The following KCNN2 variants were observed in gnomAD, a reference collection of about 807,000 sequenced individuals.
KCNN2 encodes the protein potassium calcium-activated channel subfamily N member 2, also known as small conductance calcium-activated potassium channel protein 2.
KCNN2 carries 24 observed loss-of-function variants against 55.5 expected under a neutral mutation model. The ratio of observed to expected loss-of-function variants is 0.43; its 90% CI spans 0.31 to 0.61. The LOEUF (loss-of-function observed/expected upper bound fraction) is 0.61, where lower values mean the gene tolerates loss of function less well. Ranked by LOEUF, KCNN2 falls within the 20% of genes least tolerant of loss-of-function variation. The pLI is 0.08. For missense variants in KCNN2, 754 were observed against 853.6 expected, an observed-to-expected ratio of 0.88 and a Z score of 1.45; for synonymous variants, 431 against 336.1, an observed-to-expected ratio of 1.28 and a Z score of -3.09.
chr5:114,096,515 A>C (rs1016200976), intron 1 of KCNN2, among the ~76,000 whole-genome samples: 1 of 151,996 alleles, frequency 6.6e-6, no homozygotes, highest in Non-Finnish European at 1.5e-5. Context: ...GAGTCATTCC[A>C]TGTGGTATCA....
intron 4 of KCNN2, among the ~76,000 whole-genome samples, chr5:114,463,798 G>A (rs574757149): frequency 3.3e-4 from 50 of 152,272 alleles, no homozygotes; most frequent in Non-Finnish European, 6.2e-4. Context: ...TTGGGCCTGG[G>A]GGAGAGGGAT....
At chr5:114,330,793 CTCA>C (rs1756804837) in intron 2 of KCNN2, among the ~76,000 whole-genome samples, 1 of 152,210 alleles carries the variant, frequency 6.6e-6, no homozygotes, top group African/African-American at 2.4e-5. Flanking sequence ...GGACTTGCTA[CTCA>C]TGTGGTAATT....
At chr5:114,455,351 A>G (rs966719167) in intron 3 of KCNN2, among the ~76,000 whole-genome samples, 12 of 152,178 alleles carry the variant, frequency 7.9e-5, no homozygotes, top group African/African-American at 2.9e-4. Flanking sequence ...CTTTGATATT[A>G]CAATTCTATT....
chr5:114,461,485 T>G (rs1761191511), intron 3 of KCNN2, among the ~76,000 whole-genome samples: 1 of 152,156 alleles, frequency 6.6e-6, no homozygotes, highest in Admixed American at 6.5e-5. Context: ...GCCCTTTCTC[T>G]GGGGTTCCAC....
intron 1 of KCNN2, among the ~76,000 whole-genome samples, chr5:114,097,305 C>G (rs1211081102): frequency 6.6e-6 from 1 of 152,144 alleles, no homozygotes; most frequent in East Asian, 1.9e-4. Context: ...GTTCGGATTA[C>G]AAACCCTCTG....
chr5:114,452,645 A>G (rs1760744803), intron 3 of KCNN2, among the ~76,000 whole-genome samples: 2 of 152,304 alleles, frequency 1.3e-5, no homozygotes, highest in Admixed American at 1.3e-4. Flanking sequence ...TCCCTGTGCC[A>G]TGGCTTCACC....
chr5:114,349,335 T>G (rs750377710), intron 2 of KCNN2, among the ~76,000 whole-genome samples: 1 of 151,998 alleles, frequency 6.6e-6, no homozygotes, highest in Non-Finnish European at 1.5e-5. Context: ...GTTTGAAAAT[T>G]TTTGAGCACC....
intron 2 of KCNN2, among the ~76,000 whole-genome samples, chr5:114,245,487 C>T (rs1489120900): frequency 6.6e-6 from 1 of 152,148 alleles, no homozygotes; most frequent in Non-Finnish European, 1.5e-5. Context: ...AAGTGAATTG[C>T]CCAAATTCAC....
intron 1 of KCNN2, among the ~76,000 whole-genome samples, chr5:114,164,756 A>G (rs1752873057): frequency 6.6e-6 from 1 of 152,182 alleles, no homozygotes; most frequent in Non-Finnish European, 1.5e-5. Flanking sequence ...TTGTAGAACA[A>G]CTTAGCTCCC....
At chr5:114,436,628 T>G (rs1256970075) in intron 3 of KCNN2, among the ~76,000 whole-genome samples, 1 of 152,222 alleles carries the variant, frequency 6.6e-6, no homozygotes, top group Non-Finnish European at 1.5e-5. Context: ...TCTTCATCTT[T>G]TGGACTATGT....
intron 1 of KCNN2, among the ~76,000 whole-genome samples, chr5:114,203,815 C>A (rs1316251840): frequency 6.6e-6 from 1 of 152,154 alleles, no homozygotes; most frequent in Non-Finnish European, 1.5e-5. Context: ...CCTCACCACA[C>A]CCTAGTTACA....
rs1298576176 is a variant in KCNN2, at chr5:114,396,414, TA to T, written c.1219-8021del. 2.0e-4 allele frequency among the ~76,000 whole-genome samples: 31 copies of T among 152,284 alleles called. 1 individual carries two copies. The East Asian group carries it at 2.7e-3, about 13-fold the overall frequency. On this transcript the variant is annotated intron_variant, in intron 2 of 7. Coordinates refer to ENST00000673685, the MANE Select transcript of KCNN2 (RefSeq NM_021614.4). Reference sequence around the variant, plus strand: ...TTGAAAACTTTATGTGTGCCTCTATTAAATGGATATTTTTAAACTTTTATTT... The same window carrying T: ...TTGAAAACTTTATGTGTGCCTCTATTAATGGATATTTTTAAACTTTTATTT...
At chr5:114,423,870 C>T (rs558966736) in intron 3 of KCNN2, among the ~76,000 whole-genome samples, 2 of 152,230 alleles carry the variant, frequency 1.3e-5, no homozygotes, top group South Asian at 4.1e-4. Context: ...AAAAGTGAGG[C>T]AGGATATCCC....
intron 3 of KCNN2, among the ~76,000 whole-genome samples, chr5:114,433,291 C>T (rs1759867730): frequency 6.6e-6 from 1 of 152,218 alleles, no homozygotes; most frequent in Admixed American, 6.5e-5. Flanking sequence ...CACCAATCGA[C>T]ACTGTATCTA....
At chr5:114,493,639 C>T (rs1041545575) in intron 7 of KCNN2, among the ~76,000 whole-genome samples, 167 bp downstream of exon 7, 11 of 152,030 alleles carry the variant, frequency 7.2e-5, no homozygotes, top group African/African-American at 2.7e-4. Flanking sequence ...GTTTCTGTAA[C>T]TCTCATTTAA....
Position 114,375,952 on chromosome 5 carries a change from G to GTATATATATATATATATATATATATA in KCNN2, c.1218+11976_1218+11977insATATATATATATATATATATATATAT, listed in dbSNP as rs6149186. ...AATCATTTAAAAAAAGACTCACAGT[G>GTATATATATATATATATATATATATA]TATATATATATATATATATATATAT... On this transcript the variant is annotated intron_variant, in intron 2 of 7. Coordinates refer to ENST00000673685, the MANE Select transcript of KCNN2 (RefSeq NM_021614.4). 4.4e-3 allele frequency among the ~76,000 whole-genome samples: 458 copies of GTATATATATATATATATATATATATA among 104,456 alleles called. 14 individuals are homozygous for GTATATATATATATATATATATATATA. Among genetic ancestry groups the GTATATATATATATATATATATATATA allele is most frequent in the East Asian group, 0.01 (19 of 1,896 alleles). The allele number at this position is 104,456 out of a possible 152,430, so 68.5% of individuals were successfully genotyped here.
chr5:114,354,205 AT>A (rs1757260035), intron 2 of KCNN2, among the ~76,000 whole-genome samples: 1 of 151,798 alleles, frequency 6.6e-6, no homozygotes, highest in Non-Finnish European at 1.5e-5. Flanking sequence ...TTATCATTGA[AT>A]TTTTCATATG....
intron 3 of KCNN2, among the ~76,000 whole-genome samples, chr5:114,430,755 T>G (rs1358624589): frequency 6.6e-6 from 1 of 152,098 alleles, no homozygotes; most frequent in Non-Finnish European, 1.5e-5. Flanking sequence ...TTTACCAAGT[T>G]GAGGAAATTC....
chr5:114,242,609 G>A (rs566321780), intron 2 of KCNN2, among the ~76,000 whole-genome samples: 3 of 152,172 alleles, frequency 2.0e-5, no homozygotes, highest in East Asian at 1.9e-4. Context: ...TTTTGAACTC[G>A]CGAATAGGAA....
Sources: allele counts gnomAD v4.1 joint callset (sites outside exome capture counted in the v4.1 genomes callset), GRCh38; gene constraint gnomAD v4.1.1; transcripts MANE v1.5; gene names NCBI Gene and HGNC (gene_info 2026-07-23, HGNC 2026-07-21).